The following ZC3H6 variants were observed in gnomAD, a reference collection of about 807,000 sequenced individuals.
ZC3H6 encodes the protein zinc finger CCCH-type containing 6.
A neutral mutation model predicts 107.7 loss-of-function variants in ZC3H6; 40 were observed. That is an observed-to-expected ratio of 0.37 (90% CI 0.29 to 0.48). The LOEUF is 0.48. Ranked by LOEUF, ZC3H6 falls within the 20% of genes least tolerant of loss-of-function variation. The pLI is 0.98. For synonymous variants in ZC3H6, 493 were observed against 487.9 expected (o/e 1.01, Z -0.14); for missense variants, 1,267 against 1,410.4 (o/e 0.90, Z 1.63).
At chr2:112,295,749 A>G (rs1449496799) in intron 1 of ZC3H6, among the ~76,000 whole-genome samples, 1 of 152,184 alleles carries the variant, frequency 6.6e-6, no homozygotes, top group East Asian at 1.9e-4. Context: ...TAAGTAGGCT[A>G]AGGGAAACTA....
At chr2:112,310,886 A>G (rs913524338) in intron 4 of ZC3H6, among the ~76,000 whole-genome samples, 1 of 152,190 alleles carries the variant, frequency 6.6e-6, no homozygotes, top group African/African-American at 2.4e-5. Context: ...TATTTCTATG[A>G]CTTTATTTTT....
chr2:112,312,507 G>A (rs1676611949), intron 5 of ZC3H6, among the ~76,000 whole-genome samples: 1 of 152,172 alleles, frequency 6.6e-6, no homozygotes. Context: ...TCCAATTCCT[G>A]TGTTCTACTA....
Position 112,285,984 on chromosome 2 carries a change from C to G in ZC3H6, c.32+9958C>G, listed in dbSNP as rs1686600299. ...TCAAAAAAAAAAAAATTCTCACTTT[C>G]TGTTGTTGTTGTTTGTTTAATGATT... is the stretch of plus-strand genomic sequence containing the variant. On this transcript the variant is annotated intron_variant, in intron 1 of 11. Transcript: ENST00000409871. The G allele has an allele frequency of 1.6e-5, 3 of 189,442 alleles. No homozygotes were observed. The South Asian group carries it at 2.7e-4, about 17-fold the overall frequency. 11.7% of individuals were successfully genotyped at this position (189,442 alleles called of 1,614,324 possible). A position where few individuals can be genotyped will look rare whatever the true frequency, so the allele number is the denominator to read the frequency against.
rs1677117620 is a variant in ZC3H6 at position 112,335,141 on chromosome 2, T to C, written c.*2653T>C. The C allele has an allele frequency of 1.3e-5, 2 of 152,222 alleles. No individual in the cohort carries two copies. Among genetic ancestry groups the C allele is most frequent in the Non-Finnish European group, 2.9e-5 (2 of 68,032 alleles). 9.4% of individuals were successfully genotyped at this position (152,222 alleles called of 1,614,324 possible). ...GTCTCATATCTTGGTTAAGACCTCATTGTGAACCTTGAACACAAATCAGAT... is the reference window on the plus strand; with the variant it reads ...GTCTCATATCTTGGTTAAGACCTCACTGTGAACCTTGAACACAAATCAGAT... On this transcript the variant is annotated 3_prime_UTR_variant, in exon 12 of 12. Transcript: ENST00000409871.
intron 11 of ZC3H6, among the ~76,000 whole-genome samples, chr2:112,329,096 T>G (rs1295073512): frequency 6.6e-6 from 1 of 152,172 alleles, no homozygotes; most frequent in Non-Finnish European, 1.5e-5. Flanking sequence ...ACAGAAATAT[T>G]TTGAACAGCT....
At chr2:112,321,396 T>C (rs1676799078) in intron 7 of ZC3H6, among the ~76,000 whole-genome samples, 1 of 152,024 alleles carries the variant, frequency 6.6e-6, no homozygotes, top group Non-Finnish European at 1.5e-5. Context: ...AGTGGCTTTC[T>C]AGTTTTAATA....
chr2:112,278,279 T>A (rs979547470), intron 1 of ZC3H6, among the ~76,000 whole-genome samples: 2 of 152,222 alleles, frequency 1.3e-5, no homozygotes, highest in Non-Finnish European at 2.9e-5. Context: ...ATATGAAACT[T>A]GGTATATGGA....
intron 1 of ZC3H6, among the ~76,000 whole-genome samples, chr2:112,288,954 T>C (rs1226665786): frequency 2.0e-5 from 3 of 152,002 alleles, no homozygotes; most frequent in Non-Finnish European, 2.9e-5. Flanking sequence ...ATTAATAAAA[T>C]AGTTTTCATT....
At chr2:112,298,940 TATC>T (rs1183909198) in intron 1 of ZC3H6, among the ~76,000 whole-genome samples, 3 of 152,152 alleles carry the variant, frequency 2.0e-5, no homozygotes, top group African/African-American at 4.8e-5. Context: ...ATGCCTGTAT[TATC>T]TATTGAAAGA....
At chr2:112,305,940 C>G (rs1387149924) in intron 3 of ZC3H6, among the ~76,000 whole-genome samples, 1 of 152,134 alleles carries the variant, frequency 6.6e-6, no homozygotes, top group East Asian at 1.9e-4. Context: ...TCAGAGAGAT[C>G]TAATTTGCCT....
chr2:112,277,366 G>C (rs983434317), intron 1 of ZC3H6, among the ~76,000 whole-genome samples: 1 of 151,792 alleles, frequency 6.6e-6, no homozygotes, highest in Non-Finnish European at 1.5e-5. Flanking sequence ...CCAATGATGG[G>C]GTTTTGCTAA....
chr2:112,331,502 A>T lies in ZC3H6; in HGVS notation c.2584A>T (p.Ile862Phe), dbSNP rs1415466348. Residue 862 changes from isoleucine to phenylalanine, a missense_variant, in exon 12 of 12, where the codon ATT (isoleucine) becomes TTT (phenylalanine). Physicochemically the swap from Ile to Phe is conservative, Grantham distance 21. Transcript: ENST00000409871. ...PRSQLRQFSH[I>F]KMDITLTKPN... Reference sequence around the variant, plus strand: ...GTCACAATTGAGACAGTTCAGTCACATTAAAATGGACATTACTCTAACCAA... The same window carrying T: ...GTCACAATTGAGACAGTTCAGTCACTTTAAAATGGACATTACTCTAACCAA... 2 of 1,614,034 alleles carry T rather than the reference A, an allele frequency of 1.2e-6. No individual in the cohort carries two copies. The highest frequency in any genetic ancestry group is 1.7e-6 in the Non-Finnish European group (2 of 1,179,890).
Position 112,316,504 on chromosome 2 carries a change from C to A in ZC3H6, c.782C>A (p.Thr261Asn). The A allele has an allele frequency of 6.2e-7, 1 of 1,608,660 alleles. No homozygotes were observed. The highest frequency in any genetic ancestry group is 8.5e-7 in the Non-Finnish European group (1 of 1,178,074). The change falls in exon 6 of 12, where the codon ACT (threonine) becomes AAT (asparagine). Residue 261 changes from threonine (T) to asparagine (N), a missense_variant. By Grantham distance (65) the Thr-to-Asn change is moderately conservative. Coordinates refer to ENST00000409871, the MANE Select transcript of ZC3H6 (RefSeq NM_198581.3). Reference protein sequence around the residue: ...NKPGKKWKVMTQEFINQHTVE... With the variant: ...NKPGKKWKVMNQEFINQHTVE... ...CCAGGGAAAAAATGGAAGGTTATGA[C>A]TCAGGAATTTATTAATCAGCACACA...
chr2:112,281,825 A>G (rs1249319583), intron 1 of ZC3H6, among the ~76,000 whole-genome samples: 1 of 152,050 alleles, frequency 6.6e-6, no homozygotes, highest in Non-Finnish European at 1.5e-5. Flanking sequence ...TTGGAAACCA[A>G]GGGAGGAGAA....
chr2:112,321,523 T>C (rs1005651071), intron 7 of ZC3H6, among the ~76,000 whole-genome samples: 2 of 152,038 alleles, frequency 1.3e-5, no homozygotes, highest in African/African-American at 2.4e-5. Context: ...TACAGCCTTA[T>C]TGATTCAGCA....
rs955893237 is a variant in ZC3H6, at chr2:112,300,049, T to A, written c.213+20T>A. The A allele has an allele frequency of 2.2e-6, 3 of 1,339,988 alleles. No individual in the cohort carries two copies. Among genetic ancestry groups the A allele is most frequent in the Non-Finnish European group, 2.9e-6 (3 of 1,029,512 alleles). The allele number at this position is 1,339,988 out of a possible 1,614,324, so 83.0% of individuals were successfully genotyped here. A position where few individuals can be genotyped will look rare whatever the true frequency, so the allele number is the denominator to read the frequency against. On this transcript the variant is annotated intron_variant, in intron 2 of 11. Coordinates refer to ENST00000409871, the MANE Select transcript of ZC3H6 (RefSeq NM_198581.3). ...CATAAGGTTAGTTAGAATCTACTTT[T>A]TATTCTTTTGATAAATGTTTATGAA...
chr2:112,329,448 C>G (rs1324607089), intron 11 of ZC3H6, among the ~76,000 whole-genome samples: 3 of 152,116 alleles, frequency 2.0e-5, no homozygotes, highest in African/African-American at 7.2e-5. Flanking sequence ...AATCACAAAT[C>G]CATCTGTAGA....
chr2:112,328,847 G>C (rs1471717480), intron 11 of ZC3H6, among the ~76,000 whole-genome samples: 1 of 151,772 alleles, frequency 6.6e-6, no homozygotes, highest in Non-Finnish European at 1.5e-5. Flanking sequence ...GCTGAGGCAG[G>C]AGAATCGCTT....
At chr2:112,321,658 C>G (rs1676804057) in intron 7 of ZC3H6, 98 bp from the exon 8 acceptor site, 1 of 613,988 alleles carries the variant, frequency 1.6e-6, no homozygotes, top group South Asian at 2.6e-5. Context: ...TAGCAGATCT[C>G]TAGAACTTAA....
Sources: allele counts gnomAD v4.1 joint callset (sites outside exome capture counted in the v4.1 genomes callset), GRCh38; gene constraint gnomAD v4.1.1; transcripts MANE v1.5; gene names NCBI Gene and HGNC (gene_info 2026-07-23, HGNC 2026-07-21).